DCBLD2: variants seen among roughly 807,000 people sequenced by gnomAD.
DCBLD2 encodes discoidin, CUB and LCCL domain-containing protein 2.
DCBLD2 carries 54 observed loss-of-function variants against 86.8 expected under a neutral mutation model. The ratio of observed to expected loss-of-function variants is 0.62; its 90% CI spans 0.50 to 0.78. DCBLD2 has a LOEUF of 0.78. DCBLD2 is among the 30% of genes least tolerant of loss of function. The pLI is 0.00. For synonymous variants in DCBLD2, 354 were observed against 341.3 expected (o/e 1.04, Z -0.41); for missense variants, 908 against 954.2 (o/e 0.95, Z 0.64).
intron 2 of DCBLD2, among the ~76,000 whole-genome samples, chr3:98,854,859 G>T (rs1403379871): frequency 6.6e-6 from 1 of 152,112 alleles, no homozygotes. Context: ...ATCAATTCTG[G>T]ATGGATTGAG....
rs189784544 is a variant in DCBLD2 at position 98,889,534 on chromosome 3, T to C, written c.206-7767A>G. On this transcript the variant is annotated intron_variant, in intron 1 of 15. Transcript: ENST00000326840. ...ATAATTACCACCTGCTATTTAATGC[T>C]GATTAAAGGTTGCAGTCTTGGTTAC... is the stretch of plus-strand genomic sequence containing the variant. 2.0e-5 allele frequency among the ~76,000 whole-genome samples: 3 copies of C among 152,182 alleles called. No individual in the cohort carries two copies. The East Asian group carries it at 5.8e-4, about 29-fold the overall frequency.
At chr3:98,865,669 T>C (rs1019955743) in intron 2 of DCBLD2, among the ~76,000 whole-genome samples, 4 of 152,032 alleles carry the variant, frequency 2.6e-5, no homozygotes, top group Admixed American at 2.0e-4. Context: ...TGTATACACA[T>C]ATGAAAACAT....
intron 2 of DCBLD2, among the ~76,000 whole-genome samples, chr3:98,851,482 G>C (rs1301942664): frequency 1.3e-5 from 2 of 152,160 alleles, no homozygotes; most frequent in African/African-American, 2.4e-5. Flanking sequence ...TGGATAGGAA[G>C]AATCAATATC....
At position 98,797,311 on chromosome 3, in the gene DCBLD2, A is replaced by G. The variant is rs1941626338; in HGVS notation, c.*2061T>C. 1.3e-5 allele frequency: 2 copies of G among 152,124 alleles called. No homozygotes were observed. The allele number at this position is 152,124 out of a possible 1,614,324, so 9.4% of individuals were successfully genotyped here. On this transcript the variant is annotated 3_prime_UTR_variant, in exon 16 of 16. Transcript: ENST00000326840. ...AAACCCAAAACTAAACAACAACAAC[A>G]AAAACCTCCAGGAAAAAACAATCAG... is the stretch of plus-strand genomic sequence containing the variant.
At chr3:98,897,980 T>C (rs1943779830) in intron 1 of DCBLD2, among the ~76,000 whole-genome samples, 1 of 152,080 alleles carries the variant, frequency 6.6e-6, no homozygotes, top group Non-Finnish European at 1.5e-5. Flanking sequence ...GCAAATATGC[T>C]ACCAGCATAA....
At chr3:98,822,002 C>T (rs754789988) in intron 6 of DCBLD2, 19 of 562,440 alleles carry the variant, frequency 3.4e-5, no homozygotes, top group Non-Finnish European at 4.6e-5. Context: ...GCCGAGATCA[C>T]GCCACTGCAC....
intron 9 of DCBLD2, chr3:98,816,049 A>G (rs1034636538): frequency 1.5e-4 from 23 of 151,504 alleles, no homozygotes; most frequent in African/African-American, 5.1e-4. Context: ...CAAAAAAAAA[A>G]GAAGAAAAAT....
chr3:98,868,368 AT>A (rs1276048692), intron 2 of DCBLD2, among the ~76,000 whole-genome samples: 2 of 152,170 alleles, frequency 1.3e-5, no homozygotes, highest in African/African-American at 4.8e-5. Flanking sequence ...AGAAGATATG[AT>A]ACATGCTGTG....
intron 2 of DCBLD2, among the ~76,000 whole-genome samples, chr3:98,855,957 T>C (rs1942924093): frequency 6.6e-6 from 1 of 152,180 alleles, no homozygotes; most frequent in Non-Finnish European, 1.5e-5. Flanking sequence ...AGTTGACAGA[T>C]TATTTCAGTA....
At chr3:98,881,805 C>A in intron 1 of DCBLD2, 38 bp from the exon 2 acceptor site, 1 of 1,556,986 alleles carries the variant, frequency 6.4e-7, no homozygotes, top group Non-Finnish European at 8.8e-7. Flanking sequence ...ATTATTCTCA[C>A]ATATTTTACT....
intron 15 of DCBLD2, 116 bp from the exon 16 acceptor site, chr3:98,799,957 C>T: frequency 1.2e-6 from 1 of 854,510 alleles, no homozygotes; most frequent in Non-Finnish European, 1.8e-6. Flanking sequence ...ACTTTTGTTG[C>T]CATCAATACT....
At chr3:98,898,558 AAC>A (rs1470917089) in intron 1 of DCBLD2, among the ~76,000 whole-genome samples, 2 of 152,168 alleles carry the variant, frequency 1.3e-5, no homozygotes, top group African/African-American at 2.4e-5. Context: ...AACAACTGTC[AAC>A]AGTTTATTTC....
intron 3 of DCBLD2, among the ~76,000 whole-genome samples, chr3:98,836,796 G>A (rs1251306811): frequency 1.4e-5 from 1 of 70,624 alleles, no homozygotes; most frequent in African/African-American, 5.0e-5. Flanking sequence ...CCTCCCTCCC[G>A]GACGGGGTGG....
intron 1 of DCBLD2, among the ~76,000 whole-genome samples, chr3:98,885,490 C>A (rs62278535): frequency 0.04 from 6,029 of 151,862 alleles, 151 homozygotes; most frequent in Non-Finnish European, 0.061. Context: ...CGCTCATGAC[C>A]CACTAAAGTA....
intron 2 of DCBLD2, among the ~76,000 whole-genome samples, chr3:98,874,479 A>G (rs1485055998): frequency 3.3e-5 from 5 of 152,200 alleles, no homozygotes; most frequent in African/African-American, 9.6e-5. Context: ...TAGAAAAACC[A>G]TATCATTACC....
At chr3:98,863,837 A>T (rs1219445869) in intron 2 of DCBLD2, among the ~76,000 whole-genome samples, 2 of 152,256 alleles carry the variant, frequency 1.3e-5, no homozygotes, top group East Asian at 3.8e-4. Flanking sequence ...CAATGGCAAC[A>T]AAAGCCAAAA....
chr3:98,885,101 T>C (rs1340998602), intron 1 of DCBLD2, among the ~76,000 whole-genome samples: 1 of 152,116 alleles, frequency 6.6e-6, no homozygotes, highest in Non-Finnish European at 1.5e-5. Flanking sequence ...AGAAAATAAT[T>C]ACAGAGTTGT....
chr3:98,850,392 T>A (rs897140232), intron 2 of DCBLD2, among the ~76,000 whole-genome samples: 3 of 152,164 alleles, frequency 2.0e-5, no homozygotes, highest in Non-Finnish European at 2.9e-5. Flanking sequence ...GTTTATAAAT[T>A]TCTGTTGGGC....
At chr3:98,847,106 C>A (rs945038551) in intron 3 of DCBLD2, among the ~76,000 whole-genome samples, 1 of 152,124 alleles carries the variant, frequency 6.6e-6, no homozygotes, top group African/African-American at 2.4e-5. Context: ...GTGTTCTCTA[C>A]ATTACTCTTT....
Sources: gnomAD v4.1 joint callset for allele counts (sites outside exome capture counted in the v4.1 genomes callset) on GRCh38, gnomAD v4.1.1 for gene constraint, MANE v1.5 for transcripts, NCBI Gene and HGNC (gene_info 2026-07-23, HGNC 2026-07-21) for gene names.